GRIA1: variants seen among roughly 807,000 people sequenced by gnomAD.
GRIA1 encodes glutamate ionotropic receptor AMPA type subunit 1.
A neutral mutation model predicts 99.2 loss-of-function variants in GRIA1; 31 were observed. That is an observed-to-expected ratio of 0.31 (90% CI 0.23 to 0.42). The LOEUF (loss-of-function observed/expected upper bound fraction) is 0.42, where lower values mean the gene tolerates loss of function less well. Ranked by LOEUF, GRIA1 falls within the 10% of genes least tolerant of loss-of-function variation. The pLI is 1.00. For synonymous variants in GRIA1, 438 were observed against 432.4 expected, an observed-to-expected ratio of 1.01 and a Z score of -0.16; for missense variants, 782 against 1,157.5, an observed-to-expected ratio of 0.68 and a Z score of 4.71.
intron 2 of GRIA1, among the ~76,000 whole-genome samples, chr5:153,526,759 G>A (rs1456349946): frequency 2.6e-5 from 4 of 152,172 alleles, no homozygotes; most frequent in African/African-American, 7.2e-5. Context: ...ACACAAAGAG[G>A]GTGAATATGT....
At chr5:153,647,435 C>A (rs1281645316) in intron 3 of GRIA1, among the ~76,000 whole-genome samples, 1 of 152,150 alleles carries the variant, frequency 6.6e-6, no homozygotes, top group Non-Finnish European at 1.5e-5. Flanking sequence ...TGCAAAAGGA[C>A]CTCAGACTTT....
chr5:153,712,181 A>G (rs1275067415), intron 11 of GRIA1, among the ~76,000 whole-genome samples: 1 of 152,138 alleles, frequency 6.6e-6, no homozygotes, highest in African/African-American at 2.4e-5. Context: ...CCTCCCCAGT[A>G]GCTGGCATTA....
chr5:153,541,486 C>T (rs1759088158), intron 2 of GRIA1, among the ~76,000 whole-genome samples: 1 of 152,090 alleles, frequency 6.6e-6, no homozygotes, highest in Admixed American at 6.5e-5. Flanking sequence ...GGTAAGAAAC[C>T]AGTGTTAAAT....
intron 2 of GRIA1, among the ~76,000 whole-genome samples, chr5:153,517,019 G>A (rs941287435): frequency 6.6e-6 from 1 of 152,116 alleles, no homozygotes; most frequent in Non-Finnish European, 1.5e-5. Context: ...TATTGGGTAT[G>A]AGAGAGAGGC....
intron 10 of GRIA1, among the ~76,000 whole-genome samples, chr5:153,701,309 C>T (rs1348081287): frequency 1.3e-5 from 2 of 152,050 alleles, no homozygotes; most frequent in African/African-American, 4.8e-5. Context: ...CAGGCCTGTT[C>T]CTCTGCCCAG....
chr5:153,511,560 C>G (rs1270793915), intron 2 of GRIA1, among the ~76,000 whole-genome samples: 1 of 152,074 alleles, frequency 6.6e-6, no homozygotes, highest in Non-Finnish European at 1.5e-5. Context: ...ATTGTGTGTA[C>G]CCAACAATCT....
rs575003708 is a variant in GRIA1, at chr5:153,745,668, T to TAAAA, written c.1824-18764_1824-18761dup. ...CACTTAGGAAATTAAGAAATCAAAG[T>TAAAA]AAAAAGGTAAGGAAAAAAAAATAAA... On this transcript the variant is annotated intron_variant, in intron 11 of 15. Coordinates refer to ENST00000285900, the MANE Select transcript of GRIA1 (RefSeq NM_000827.4). 4.8e-5 allele frequency among the ~76,000 whole-genome samples: 7 copies of TAAAA among 146,522 alleles called. No individual in the cohort carries two copies. The South Asian group carries it at 1.5e-3, about 31-fold the overall frequency.
rs1760359894 is a variant in GRIA1 at position 153,724,606 on chromosome 5, G to A, written c.1823+18539G>A. On this transcript the variant is annotated intron_variant, in intron 11 of 15. Coordinates refer to ENST00000285900, the MANE Select transcript of GRIA1 (RefSeq NM_000827.4). ...TGAGAACTACGTGAAGAATGCAGAAGCCTCAGGAGCCGATGCGATCAACTG... is the reference window on the plus strand; with the variant it reads ...TGAGAACTACGTGAAGAATGCAGAAACCTCAGGAGCCGATGCGATCAACTG... Among the ~76,000 whole-genome samples, 5 of 152,302 alleles carry A rather than the reference G, an allele frequency of 3.3e-5. No individual in the cohort carries two copies. In the South Asian group the frequency reaches 1.0e-3, roughly 32 times the overall value.
intron 2 of GRIA1, among the ~76,000 whole-genome samples, chr5:153,506,919 T>C (rs1205427445): frequency 6.6e-6 from 1 of 152,058 alleles, no homozygotes; most frequent in African/African-American, 2.4e-5. Flanking sequence ...GGCCAGGAGT[T>C]CGAGATCAGT....
intron 2 of GRIA1, among the ~76,000 whole-genome samples, chr5:153,600,072 G>A (rs762748914): frequency 1.1e-4 from 16 of 152,006 alleles, no homozygotes; most frequent in Admixed American, 9.8e-4. Flanking sequence ...TACAGTGAGA[G>A]CCATCTCTTC....
intron 2 of GRIA1, among the ~76,000 whole-genome samples, chr5:153,510,157 C>T (rs908612954): frequency 2.0e-5 from 3 of 152,034 alleles, no homozygotes; most frequent in Non-Finnish European, 4.4e-5. Flanking sequence ...TAAATCTGGT[C>T]CTGCACTTAT....
chr5:153,668,837 G>T (rs1254884916), intron 5 of GRIA1, among the ~76,000 whole-genome samples: 1 of 152,228 alleles, frequency 6.6e-6, no homozygotes, highest in Non-Finnish European at 1.5e-5. Context: ...CTCTGGCAGG[G>T]TGACATATTC....
chr5:153,496,244 T>G (rs1754412063), intron 2 of GRIA1, among the ~76,000 whole-genome samples: 2 of 152,238 alleles, frequency 1.3e-5, no homozygotes, highest in Non-Finnish European at 2.9e-5. Context: ...CAGACAATGT[T>G]GTTCATTTTG....
chr5:153,624,672 A>T (rs900572523), intron 2 of GRIA1, among the ~76,000 whole-genome samples: 2 of 149,740 alleles, frequency 1.3e-5, no homozygotes, highest in Admixed American at 1.3e-4. Flanking sequence ...ACAGGGGGGA[A>T]AAAAATTGAT....
chr5:153,658,017 C>A (rs1755081617), intron 5 of GRIA1, among the ~76,000 whole-genome samples: 1 of 152,122 alleles, frequency 6.6e-6, no homozygotes, highest in South Asian at 2.1e-4. Context: ...GTCAACTCCA[C>A]TTAAACCTCA....
At chr5:153,790,274 A>T (rs1252888867) in intron 13 of GRIA1, among the ~76,000 whole-genome samples, 1 of 152,174 alleles carries the variant, frequency 6.6e-6, no homozygotes, top group Non-Finnish European at 1.5e-5. Flanking sequence ...GGTTCATCCC[A>T]TTCTGTTTTA....
chr5:153,627,663 G>A (rs1440783691), intron 2 of GRIA1, among the ~76,000 whole-genome samples: 1 of 152,214 alleles, frequency 6.6e-6, no homozygotes, highest in African/African-American at 2.4e-5. Flanking sequence ...ACAGCAGCGA[G>A]GAGAGTGGCA....
chr5:153,569,037 A>T (rs1357972591), intron 2 of GRIA1, among the ~76,000 whole-genome samples: 1 of 152,146 alleles, frequency 6.6e-6, no homozygotes, highest in Non-Finnish European at 1.5e-5. Flanking sequence ...GTTCTACGGC[A>T]CTTGTTGCCT....
chr5:153,538,168 G>A (rs1332575593), intron 2 of GRIA1, among the ~76,000 whole-genome samples: 1 of 152,154 alleles, frequency 6.6e-6, no homozygotes, highest in Non-Finnish European at 1.5e-5. Context: ...AATAAAAGGG[G>A]GGCAAGCTGG....
Sources: allele counts gnomAD v4.1 joint callset (sites outside exome capture counted in the v4.1 genomes callset), GRCh38; gene constraint gnomAD v4.1.1; transcripts MANE v1.5; gene names NCBI Gene and HGNC (gene_info 2026-07-23, HGNC 2026-07-21).